Variants in CENPP observed in about 807,000 individuals in gnomAD.
CENPP encodes the protein centromere protein P.
CENPP carries 24 observed loss-of-function variants against 35.6 expected under a neutral mutation model. The ratio of observed to expected loss-of-function variants is 0.67; its 90% CI spans 0.49 to 0.95. The LOEUF (loss-of-function observed/expected upper bound fraction) is 0.95. Among genes scored for constraint, CENPP ranks in the 40% least tolerant of loss-of-function variants. CENPP has a pLI of 0.00. For synonymous variants in CENPP, 120 were observed against 125.5 expected (o/e 0.96, Z 0.29); for missense variants, 332 against 345.3 (o/e 0.96, Z 0.31).
intron 6 of CENPP, among the ~76,000 whole-genome samples, chr9:92,612,133 GCTT>G (rs1400349417): frequency 6.6e-6 from 1 of 152,224 alleles, no homozygotes; most frequent in Non-Finnish European, 1.5e-5. Context: ...CAGTACATAA[GCTT>G]CTCCTGGGCT....
intron 5 of CENPP, among the ~76,000 whole-genome samples, chr9:92,459,193 T>C (rs10992348): frequency 0.24 from 35,952 of 152,112 alleles, 5,717 homozygotes; most frequent in African/African-American, 0.45. Context: ...AAAAAAAATA[T>C]ACATGTCTAT....
Position 92,450,472 on chromosome 9 carries a change from C to T in CENPP, c.564+70613C>T, listed in dbSNP as rs530947185. Among the ~76,000 whole-genome samples, 846 of 152,156 alleles carry T rather than the reference C, an allele frequency of 5.6e-3. 8 individuals carry two copies. The highest frequency in any genetic ancestry group is 0.019 in the African/African-American group (779 of 41,488). ...AGTATTCCATGGTGTATATGTGCCA[C>T]GTTTTCTTAATCCAGTCTATCATTG... is the stretch of plus-strand genomic sequence containing the variant. On this transcript the variant is annotated intron_variant, in intron 5 of 7. Transcript: ENST00000375587.
chr9:92,580,827 T>A (rs1850406052), intron 5 of CENPP, among the ~76,000 whole-genome samples: 1 of 152,266 alleles, frequency 6.6e-6, no homozygotes, highest in South Asian at 2.1e-4. Context: ...TTTTAGTTAT[T>A]TCTTGCCTTC....
intron 5 of CENPP, among the ~76,000 whole-genome samples, chr9:92,444,642 T>G (rs1844505490): frequency 6.6e-6 from 1 of 152,238 alleles, no homozygotes; most frequent in African/African-American, 2.4e-5. Flanking sequence ...CTGTCCCATG[T>G]TAAGCTCTGC....
chr9:92,353,127 T>C (rs1184470938), intron 4 of CENPP, among the ~76,000 whole-genome samples: 3 of 152,180 alleles, frequency 2.0e-5, no homozygotes, highest in South Asian at 2.1e-4. Flanking sequence ...ATAAATCATA[T>C]GTCACATGAT....
intron 4 of CENPP, among the ~76,000 whole-genome samples, chr9:92,366,579 T>C (rs1204015710): frequency 6.6e-6 from 1 of 152,250 alleles, no homozygotes; most frequent in Non-Finnish European, 1.5e-5. Context: ...GAATTTTATG[T>C]GCCAGATGCT....
At chr9:92,584,319 G>A (rs1014478843) in intron 5 of CENPP, among the ~76,000 whole-genome samples, 2 of 151,360 alleles carry the variant, frequency 1.3e-5, no homozygotes, top group African/African-American at 4.9e-5. Context: ...ACAGATAGGT[G>A]TTCAGTGTTT....
chr9:92,582,943 C>T (rs1359006620), intron 5 of CENPP, among the ~76,000 whole-genome samples: 3 of 152,224 alleles, frequency 2.0e-5, no homozygotes, highest in Admixed American at 6.5e-5. Flanking sequence ...CTTAGCCTCA[C>T]CACTTTCTGT....
chr9:92,436,526 T>A (rs1452954008), intron 5 of CENPP, among the ~76,000 whole-genome samples: 1 of 152,244 alleles, frequency 6.6e-6, no homozygotes, highest in Non-Finnish European at 1.5e-5. Flanking sequence ...TTTCTAAAAG[T>A]ATAGCTTGAC....
intron 4 of CENPP, among the ~76,000 whole-genome samples, chr9:92,353,434 A>G (rs538910583): frequency 7.2e-5 from 11 of 152,288 alleles, no homozygotes; most frequent in African/African-American, 2.4e-4. Context: ...GGGCTGTCGT[A>G]GTTTCCCATT....
intron 5 of CENPP, among the ~76,000 whole-genome samples, chr9:92,560,189 G>A (rs113712151): frequency 2.6e-5 from 4 of 152,178 alleles, no homozygotes; most frequent in East Asian, 1.9e-4. Flanking sequence ...AACGTAATCC[G>A]TCATAGTCTA....
chr9:92,569,897 A>G (rs1850090890), intron 5 of CENPP, among the ~76,000 whole-genome samples: 1 of 152,158 alleles, frequency 6.6e-6, no homozygotes, highest in Non-Finnish European at 1.5e-5. Flanking sequence ...TTATTGGTGT[A>G]TAGGAAGGCC....
intron 1 of CENPP, among the ~76,000 whole-genome samples, chr9:92,328,052 G>A (rs1399342462): frequency 2.0e-5 from 3 of 152,170 alleles, no homozygotes; most frequent in Non-Finnish European, 2.9e-5. Context: ...GTTAAGAACT[G>A]AGTTTTTAAG....
intron 5 of CENPP, among the ~76,000 whole-genome samples, chr9:92,605,334 G>C (rs1851046725): frequency 6.6e-6 from 1 of 151,912 alleles, no homozygotes; most frequent in Admixed American, 6.6e-5. Flanking sequence ...TTTCGTATAT[G>C]GTGTACAGTA....
In CENPP at chr9:92,619,948, C is replaced by T. The variant is rs945547680; in HGVS notation, c.*6799C>T. ...CACACTCAGAGTATCAAGTGAGTAT[C>T]ACTCGACACCTGCAAGGAGAGCGCA... On this transcript the variant is annotated 3_prime_UTR_variant, in exon 8 of 8. Transcript: ENST00000375587. 1.2e-5 allele frequency: 3 copies of T among 258,712 alleles called. No individual in the cohort carries two copies. Among genetic ancestry groups the T allele is most frequent in the African/African-American group, 6.4e-5 (3 of 46,602 alleles). The allele number at this position is 258,712 out of a possible 1,614,324, so 16.0% of individuals were successfully genotyped here.
chr9:92,406,677 C>T (rs554289324), intron 5 of CENPP, among the ~76,000 whole-genome samples: 3 of 152,140 alleles, frequency 2.0e-5, no homozygotes, highest in Non-Finnish European at 4.4e-5. Context: ...AGGGAATGAT[C>T]CAGTTCTAAG....
Position 92,404,099 on chromosome 9 carries a change from G to A in CENPP, c.564+24240G>A, listed in dbSNP as rs140181852. Among the ~76,000 whole-genome samples, 1,007 of 152,098 alleles carry A rather than the reference G, an allele frequency of 6.6e-3. 15 individuals carry two copies. Among genetic ancestry groups the A allele is most frequent in the African/African-American group, 0.022 (900 of 41,506 alleles). On this transcript the variant is annotated intron_variant, in intron 5 of 7. Transcript: ENST00000375587. ...AGTATTGCAGGCTAGAGGAAATACCGAACTTTAATCAAAGAACTTTGAGGA... is the reference window on the plus strand; with the variant it reads ...AGTATTGCAGGCTAGAGGAAATACCAAACTTTAATCAAAGAACTTTGAGGA...
intron 5 of CENPP, among the ~76,000 whole-genome samples, chr9:92,398,367 C>G (rs1335645293): frequency 6.6e-6 from 1 of 152,084 alleles, no homozygotes; most frequent in Non-Finnish European, 1.5e-5. Context: ...CAGCATTGTT[C>G]TAAAAATTAA....
At chr9:92,584,355 G>T (rs1850495259) in intron 5 of CENPP, among the ~76,000 whole-genome samples, 1 of 152,030 alleles carries the variant, frequency 6.6e-6, no homozygotes, top group Non-Finnish European at 1.5e-5. Context: ...TTCTATGTTT[G>T]TTTGTTTGTT....
Sources: gnomAD v4.1 joint callset for allele counts (sites outside exome capture counted in the v4.1 genomes callset) on GRCh38, gnomAD v4.1.1 for gene constraint, MANE v1.5 for transcripts, NCBI Gene and HGNC (gene_info 2026-07-23, HGNC 2026-07-21) for gene names.